The following AAK1 variants were observed in gnomAD, a reference collection of about 807,000 sequenced individuals.
AAK1 encodes AP2-associated protein kinase 1.
A neutral mutation model predicts 116.0 loss-of-function variants in AAK1; 37 were observed. The ratio of observed to expected loss-of-function variants is 0.32; its 90% confidence interval spans 0.25 to 0.42. AAK1 has a LOEUF of 0.42. Ranked by LOEUF, AAK1 falls within the 10% of genes least tolerant of loss-of-function variation. The probability of loss-of-function intolerance (pLI) is 1.00; values close to 1 mark genes in which losing one functional copy is unlikely to be tolerated. For missense variants in AAK1, 919 were observed against 1,170.6 expected (o/e 0.79, Z 3.14); for synonymous variants, 458 against 439.9 (o/e 1.04, Z -0.51).
At chr2:69,528,217 G>A (rs1336705033) in intron 8 of AAK1, among the ~76,000 whole-genome samples, 1 of 152,222 alleles carries the variant, frequency 6.6e-6, no homozygotes, top group African/African-American at 2.4e-5. Context: ...AGGGTAGAGA[G>A]AAGTCTGAGT....
chr2:69,498,903 C>A (rs1254174317), intron 16 of AAK1, among the ~76,000 whole-genome samples: 1 of 152,218 alleles, frequency 6.6e-6, no homozygotes, highest in African/African-American at 2.4e-5. Context: ...CCCAGCTCAA[C>A]TAGATGGGTA....
chr2:69,545,990 G>A (rs565470566), intron 3 of AAK1, among the ~76,000 whole-genome samples: 1 of 152,290 alleles, frequency 6.6e-6, no homozygotes, highest in South Asian at 2.1e-4. Flanking sequence ...GGAGCCAAGA[G>A]AAGAGAGCTT....
In AAK1 at chr2:69,505,551, G is replaced by A. The variant is rs1424785344; in HGVS notation, c.2269+18C>T. 1.1e-5 allele frequency: 18 copies of A among 1,605,542 alleles called. No individual in the cohort carries two copies. The highest frequency in any genetic ancestry group is 1.5e-5 in the Non-Finnish European group (18 of 1,172,756). On this transcript the variant is annotated intron_variant, in intron 16 of 21. Transcript: ENST00000409085. The stretch of plus-strand genomic sequence containing the variant: ...TAACAACAGTGAACCTCCCGTTCCA[G>A]GTATTTGCCATACTAACCAGTTCCA...
chr2:69,472,446 G>C lies in AAK1; in HGVS notation c.*3423C>G, dbSNP rs1674711623. 3.2e-6 allele frequency: 1 copy of C among 316,172 alleles called. No individual in the cohort carries two copies. Among genetic ancestry groups the C allele is most frequent in the Non-Finnish European group, 4.6e-6 (1 of 218,422 alleles). The allele number at this position is 316,172 out of a possible 1,614,324, so 19.6% of individuals were successfully genotyped here. A position where few individuals can be genotyped will look rare whatever the true frequency, so the allele number is the denominator to read the frequency against. On this transcript the variant is annotated 3_prime_UTR_variant, in exon 22 of 22. Coordinates refer to ENST00000409085, the MANE Select transcript of AAK1 (RefSeq NM_014911.5). ...AGTTTCAAAAATAACTTTAAGGATGGCAGCATCATTAGAATAAGTATTAAC... is the reference window on the plus strand; with the variant it reads ...AGTTTCAAAAATAACTTTAAGGATGCCAGCATCATTAGAATAAGTATTAAC...
At chr2:69,568,821 C>T (rs974399660) in intron 2 of AAK1, among the ~76,000 whole-genome samples, 5 of 152,158 alleles carry the variant, frequency 3.3e-5, no homozygotes, top group African/African-American at 4.8e-5. Flanking sequence ...AACTTAACTT[C>T]GTGTTAAAGC....
In AAK1 at chr2:69,574,927, A is replaced by G. The variant is rs1012316734; in HGVS notation, c.164-17949T>C. On this transcript the variant is annotated intron_variant, in intron 2 of 21. Coordinates refer to ENST00000409085, the MANE Select transcript of AAK1 (RefSeq NM_014911.5). ...AAACTATGATACATACATAGTTCAT[A>G]CATTGAACTATCATTGTGCCACTGC... Among the ~76,000 whole-genome samples the G allele has an allele frequency of 4.0e-5, 6 of 150,152 alleles. No individual in the cohort carries two copies. In the South Asian group the frequency reaches 1.3e-3, roughly 32 times the overall value.
At chr2:69,639,949 G>A (rs975413892) in intron 2 of AAK1, among the ~76,000 whole-genome samples, 2 of 150,544 alleles carry the variant, frequency 1.3e-5, no homozygotes, top group African/African-American at 2.5e-5. Flanking sequence ...CCTAACAATG[G>A]GGGAAAGGAA....
In AAK1 at chr2:69,472,670, T is replaced by C; in HGVS notation, c.*3199A>G. On this transcript the variant is annotated 3_prime_UTR_variant, in exon 22 of 22. Transcript: ENST00000409085. ...TGAATGTTGTAAAGGGAAAAATCAA[T>C]TTGTCATGTTTTCTGCTATAGTTAC... is the stretch of plus-strand genomic sequence containing the variant. 1 of 985,424 alleles carries C rather than the reference T, an allele frequency of 1.0e-6. No individual in the cohort carries two copies. Among genetic ancestry groups the C allele is most frequent in the Non-Finnish European group, 1.2e-6 (1 of 829,920 alleles). The allele number at this position is 985,424 out of a possible 1,614,324, so 61.0% of individuals were successfully genotyped here.
chr2:69,476,294 T>A (rs1674854491), intron 21 of AAK1, among the ~76,000 whole-genome samples: 1 of 152,194 alleles, frequency 6.6e-6, no homozygotes, highest in Admixed American at 6.5e-5. Flanking sequence ...AACTTCCTGA[T>A]AATATCAAGC....
chr2:69,598,362 G>T, intron 2 of AAK1: 1 of 327,554 alleles, frequency 3.1e-6, no homozygotes, highest in Non-Finnish European at 5.9e-6. Context: ...ACTGCAGTGT[G>T]TTGGGTTATA....
At chr2:69,526,993 G>A (rs1670054171) in intron 9 of AAK1, among the ~76,000 whole-genome samples, 1 of 152,062 alleles carries the variant, frequency 6.6e-6, no homozygotes, top group African/African-American at 2.4e-5. Flanking sequence ...CAATCCCTAG[G>A]GCATTTTTTT....
chr2:69,518,810 G>T, intron 12 of AAK1, 144 bp downstream of exon 12: 1 of 1,261,008 alleles, frequency 7.9e-7, no homozygotes, highest in Non-Finnish European at 1.1e-6. Flanking sequence ...TGATGGATCC[G>T]CTTCTCAATG....
At chr2:69,510,761 T>C (rs1284012287) in intron 13 of AAK1, among the ~76,000 whole-genome samples, 3 of 152,212 alleles carry the variant, frequency 2.0e-5, no homozygotes, top group Non-Finnish European at 4.4e-5. Flanking sequence ...TGGCAACTCC[T>C]AAGAAAATAT....
chr2:69,588,852 A>G (rs951463397), intron 2 of AAK1, among the ~76,000 whole-genome samples: 3 of 152,212 alleles, frequency 2.0e-5, no homozygotes, highest in African/African-American at 7.2e-5. Flanking sequence ...ATTATGTAGG[A>G]GAATATTTTA....
At chr2:69,560,209 A>G (rs1671575453) in intron 2 of AAK1, among the ~76,000 whole-genome samples, 1 of 152,238 alleles carries the variant, frequency 6.6e-6, no homozygotes. Context: ...TAGTTGGCCA[A>G]ATGGAGATGT....
At position 69,482,347 on chromosome 2, in the gene AAK1, T is replaced by A. The variant is rs1249843442; in HGVS notation, c.2467+364A>T. On this transcript the variant is annotated intron_variant, in intron 18 of 21. Transcript: ENST00000409085. ...AGCCTAGGCAACAAGAGTGAAACTC[T>A]GTCTCAAACAAAAAAAAAAAAAAGA... 9.8e-6 allele frequency: 5 copies of A among 508,596 alleles called. No homozygotes were observed. In the Admixed American group the frequency reaches 1.5e-4, roughly 15 times the overall value. 31.5% of individuals were successfully genotyped at this position (508,596 alleles called of 1,614,324 possible).
At chr2:69,617,619 T>A (rs1380804459) in intron 2 of AAK1, among the ~76,000 whole-genome samples, 1 of 152,220 alleles carries the variant, frequency 6.6e-6, no homozygotes, top group Admixed American at 6.5e-5. Flanking sequence ...TAAATCGTTA[T>A]TGTAAGATGC....
intron 2 of AAK1, among the ~76,000 whole-genome samples, chr2:69,557,301 C>CGTTTTTTTTTTTTT (rs1312817253): frequency 7.3e-6 from 1 of 136,738 alleles, no homozygotes; most frequent in Admixed American, 7.4e-5. Context: ...ATCCTATGTA[C>CGTTTTTTTTTTTTT]TTTTTTTTTT....
intron 3 of AAK1, 98 bp from the exon 4 acceptor site, chr2:69,544,642 G>T: frequency 1.2e-6 from 1 of 863,474 alleles, no homozygotes; most frequent in Non-Finnish European, 1.8e-6. Flanking sequence ...TAAATACAGA[G>T]ATGATACAGT....
Sources: allele counts gnomAD v4.1 joint callset (sites outside exome capture counted in the v4.1 genomes callset), GRCh38; gene constraint gnomAD v4.1.1; transcripts MANE v1.5; gene names NCBI Gene and HGNC (gene_info 2026-07-23, HGNC 2026-07-21).